Variants in ATG14 observed in about 807,000 individuals in gnomAD.
ATG14 encodes autophagy related 14, also known as beclin 1-associated autophagy-related key regulator.
A neutral mutation model predicts 60.4 loss-of-function variants in ATG14; 35 were observed. That is an observed-to-expected ratio of 0.58 (90% CI 0.44 to 0.77). The LOEUF (loss-of-function observed/expected upper bound fraction) is 0.77. ATG14 is among the 30% of genes least tolerant of loss of function. The pLI, the probability that ATG14 is intolerant of heterozygous loss-of-function variation, is 0.00. For synonymous variants in ATG14, 234 were observed against 228.8 expected, an observed-to-expected ratio of 1.02 and a Z score of -0.21; for missense variants, 647 against 626.3, an observed-to-expected ratio of 1.03 and a Z score of -0.35.
Position 55,382,183 on chromosome 14 carries a change from G to C in ATG14, c.656C>G (p.Ala219Gly), listed in dbSNP as rs751305001. The stretch of plus-strand genomic sequence containing the variant: ...ACTGTCACTCTCTGAAGACACATCT[G>C]CGGGGTCTCTACAAGTAGGAAGACA... ...EEVKTGVRDP[A>G]DVSSESDSAM... is the part of the protein sequence containing the mutation. Residue 219 changes from alanine to glycine, a missense_variant, in exon 6 of 10, where the codon GCA becomes GGA. Physicochemically the swap from Ala to Gly is moderately conservative, Grantham distance 60 (BLOSUM62 0). Transcript: ENST00000247178. The C allele has an allele frequency of 6.2e-7, 1 of 1,614,168 alleles. No homozygotes were observed. Among genetic ancestry groups the C allele is most frequent in the East Asian group, 2.2e-5 (1 of 44,884 alleles).
intron 3 of ATG14, among the ~76,000 whole-genome samples, chr14:55,391,470 A>AT (rs1052033027): frequency 2.1e-5 from 3 of 139,584 alleles, no homozygotes; most frequent in Non-Finnish European, 3.0e-5. Flanking sequence ...GTGAGACTCC[A>AT]TAAAAAAAAA....
chr14:55,397,012 T>C (rs963871880), intron 2 of ATG14, among the ~76,000 whole-genome samples: 1 of 152,194 alleles, frequency 6.6e-6, no homozygotes, highest in Non-Finnish European at 1.5e-5. Context: ...AATACTGATA[T>C]GGACAAAAGA....
chr14:55,398,622 ACAAAATATATTG>A (rs575560796), intron 1 of ATG14, among the ~76,000 whole-genome samples: 2,155 of 139,864 alleles, frequency 0.015, 57 homozygotes, highest in African/African-American at 0.051. Flanking sequence ...TGATGTAGTT[ACAAAATATATTG>A]TGTGATTTCG....
rs1309857294 is a variant in ATG14, at chr14:55,377,837, C to T, written c.1154G>A (p.Ser385Asn). The change falls in exon 9 of 10, where the codon AGC becomes AAC. Residue 385 changes from serine to asparagine, a missense_variant. Transcript: ENST00000247178. ...TTCTTACCTGCCTAGGTGTTCAGAG[C>T]TTGGACTGACCAGGTACATTAGATT... ...LRNLMYLVSP[S>N]SEHLGRSGPF... 1 of 1,595,254 alleles carries T rather than the reference C, an allele frequency of 6.3e-7. No homozygotes were observed. The highest frequency in any genetic ancestry group is 8.5e-7 in the Non-Finnish European group (1 of 1,174,080).
rs1566574288 is a variant in ATG14, at chr14:55,366,557, C to G, written c.*3062G>C. On this transcript the variant is annotated 3_prime_UTR_variant, in exon 10 of 10. Coordinates refer to ENST00000247178, the MANE Select transcript of ATG14 (RefSeq NM_014924.5). ...ACAGCATGCCACTGAATGCTCTTCCCCAAATTGAGTCCTTACATGAGTCCC... is the reference window on the plus strand; with the variant it reads ...ACAGCATGCCACTGAATGCTCTTCCGCAAATTGAGTCCTTACATGAGTCCC... 6.6e-6 allele frequency: 1 copy of G among 152,492 alleles called. No homozygotes were observed. Among genetic ancestry groups the G allele is most frequent in the Non-Finnish European group, 1.5e-5 (1 of 68,038 alleles). 9.4% of individuals were successfully genotyped at this position (152,492 alleles called of 1,614,324 possible). A position where few individuals can be genotyped will look rare whatever the true frequency, so the allele number is the denominator to read the frequency against.
chr14:55,386,061 G>A lies in ATG14; in HGVS notation c.445C>T (p.Gln149Ter), dbSNP rs1885121273. ...CGTTGTGCTCGACTGTAAAGCTTCT[G>A]ATTCTTTTCCTTGGTTTTGAGAAGG... ...EGLLKTKEKN[Q>*]KLYSRAQRHQ... The change falls in exon 5 of 10, where the codon CAG (glutamine) becomes TAG (stop). Residue 149 changes from glutamine to a stop codon, truncating the protein, a stop_gained. Transcript: ENST00000247178. LOFTEE classifies it high-confidence loss of function. 1 of 1,611,542 alleles carries A rather than the reference G, an allele frequency of 6.2e-7. No homozygotes were observed. The highest frequency in any genetic ancestry group is 8.5e-7 in the Non-Finnish European group (1 of 1,179,436).
At chr14:55,370,512 T>G (rs200043542) in intron 9 of ATG14, among the ~76,000 whole-genome samples, 1 of 152,168 alleles carries the variant, frequency 6.6e-6, no homozygotes, top group African/African-American at 2.4e-5. Flanking sequence ...GAGAAAACAA[T>G]TTTTATTTCT....
At position 55,373,131 on chromosome 14, in the gene ATG14, T is replaced by G. The variant is rs73279099; in HGVS notation, c.1173-3206A>C. Among the ~76,000 whole-genome samples, 1,423 of 152,280 alleles carry G rather than the reference T, an allele frequency of 9.3e-3. 29 individuals carry two copies. The highest frequency in any genetic ancestry group is 0.033 in the African/African-American group (1,372 of 41,548). On this transcript the variant is annotated intron_variant, in intron 9 of 9. Transcript: ENST00000247178. ...ACACACAACCAACTAGCAAAATAAT[T>G]CATCCTATTTTGCTTAATGTCTTTG...
chr14:55,371,920 C>T (rs1268680612), intron 9 of ATG14, among the ~76,000 whole-genome samples: 2 of 152,242 alleles, frequency 1.3e-5, no homozygotes, highest in Non-Finnish European at 2.9e-5. Flanking sequence ...GGACTTTCTA[C>T]TGCCCCTTGA....
chr14:55,373,067 A>G (rs1025352323), intron 9 of ATG14, among the ~76,000 whole-genome samples: 1 of 152,168 alleles, frequency 6.6e-6, no homozygotes, highest in African/African-American at 2.4e-5. Context: ...GATTAGAGAT[A>G]CATCACCTGC....
At chr14:55,410,975 C>T (rs544293490) in intron 1 of ATG14, among the ~76,000 whole-genome samples, 1 of 152,202 alleles carries the variant, frequency 6.6e-6, no homozygotes, top group Non-Finnish European at 1.5e-5. Flanking sequence ...ATTCTCTTAA[C>T]TAAAAGCATG....
chr14:55,375,489 A>AT (rs1347004795), intron 9 of ATG14, among the ~76,000 whole-genome samples: 1 of 107,766 alleles, frequency 9.3e-6, no homozygotes, highest in African/African-American at 4.2e-5. Context: ...CGCCGGGCTA[A>AT]ATTTTTTTTT....
At chr14:55,380,308 T>C (rs1329151594) in intron 7 of ATG14, among the ~76,000 whole-genome samples, 1 of 152,018 alleles carries the variant, frequency 6.6e-6, no homozygotes, top group Non-Finnish European at 1.5e-5. Flanking sequence ...ATTTAACATA[T>C]GAGGATCTGC....
chr14:55,376,899 A>G (rs1884928353), intron 9 of ATG14, among the ~76,000 whole-genome samples: 1 of 152,232 alleles, frequency 6.6e-6, no homozygotes, highest in South Asian at 2.1e-4. Flanking sequence ...ACATGCTTTC[A>G]TGGGCTGAGA....
intron 2 of ATG14, among the ~76,000 whole-genome samples, chr14:55,396,614 T>C (rs1053387817): frequency 5.3e-5 from 8 of 152,080 alleles, no homozygotes; most frequent in African/African-American, 1.9e-4. Context: ...TTTGGGGAGA[T>C]GCCACAAAAG....
chr14:55,402,943 ATATATATATATATATATATAT>A (rs1885430167), intron 1 of ATG14, among the ~76,000 whole-genome samples: 1 of 61,016 alleles, frequency 1.6e-5, no homozygotes, highest in Non-Finnish European at 3.3e-5. Flanking sequence ...ATATATATAT[ATATATATATATATATATATAT>A]ATATAAATAG....
intron 5 of ATG14, among the ~76,000 whole-genome samples, chr14:55,384,021 A>G (rs1316187056): frequency 3.3e-5 from 5 of 152,204 alleles, no homozygotes; most frequent in African/African-American, 4.8e-5. Flanking sequence ...CAACATACGT[A>G]TAAGATAGCT....
At chr14:55,382,955 C>G (rs1424327825) in intron 5 of ATG14, among the ~76,000 whole-genome samples, 2 of 152,066 alleles carry the variant, frequency 1.3e-5, no homozygotes, top group African/African-American at 4.8e-5. Flanking sequence ...AAAAAACTTT[C>G]AAAACAAAAA....
rs757495492 is a variant in ATG14 at position 55,411,594 on chromosome 14, C to T, written c.221+8G>A. On this transcript the variant is annotated splice_region_variant and intron_variant, in intron 1 of 9. Transcript: ENST00000247178. ...GAAGAAACAATAGGGCCGTGGCGGC[C>T]GCCGTACCTCTCCCGGTCGCGGCCG... 5.6e-6 allele frequency: 9 copies of T among 1,602,192 alleles called. No homozygotes were observed. The highest frequency in any genetic ancestry group is 6.8e-6 in the Non-Finnish European group (8 of 1,175,236).
Sources: gnomAD v4.1 joint callset for allele counts (sites outside exome capture counted in the v4.1 genomes callset) on GRCh38, gnomAD v4.1.1 for gene constraint, MANE v1.5 for transcripts, NCBI Gene and HGNC (gene_info 2026-07-23, HGNC 2026-07-21) for gene names.